Variants in SLC39A11 observed in about 807,000 individuals in gnomAD.
The protein encoded by SLC39A11 is zinc transporter ZIP11.
In SLC39A11, 33 loss-of-function variants were observed where a neutral mutation model predicts 36.1. The ratio of observed to expected loss-of-function variants is 0.91; its 90% CI spans 0.69 to 1.22. SLC39A11 has a LOEUF of 1.22. Among genes scored for constraint, SLC39A11 ranks in the 50% most tolerant of loss-of-function variants. The probability of loss-of-function intolerance (pLI) is 0.00; values close to 1 mark genes in which losing one functional copy is unlikely to be tolerated. For missense variants in SLC39A11, 432 were observed against 430.3 expected (o/e 1.00, Z -0.03); for synonymous variants, 166 against 170.3 (o/e 0.97, Z 0.20).
intron 4 of SLC39A11, among the ~76,000 whole-genome samples, chr17:72,959,608 A>C (rs1598602515): frequency 1.3e-5 from 2 of 151,946 alleles, no homozygotes; most frequent in East Asian, 3.9e-4. Context: ...GACTACAAAC[A>C]GGGTGCTGTA....
At chr17:72,829,598 T>A (rs1398428259) in intron 6 of SLC39A11, among the ~76,000 whole-genome samples, 1 of 152,100 alleles carries the variant, frequency 6.6e-6, no homozygotes, top group African/African-American at 2.4e-5. Context: ...ACATGCCGAA[T>A]TAGGGCAGAC....
At chr17:72,713,705 A>G (rs1311311155) in intron 7 of SLC39A11, among the ~76,000 whole-genome samples, 2 of 152,170 alleles carry the variant, frequency 1.3e-5, no homozygotes, top group African/African-American at 4.8e-5. Flanking sequence ...ATTTTATTAT[A>G]CTTACAAAAT....
intron 7 of SLC39A11, among the ~76,000 whole-genome samples, chr17:72,734,598 G>A (rs186981473): frequency 1.3e-5 from 2 of 152,234 alleles, no homozygotes; most frequent in Non-Finnish European, 2.9e-5. Context: ...GTCCGGGGAA[G>A]GGAGGAGCTG....
chr17:72,993,503 C>T (rs973309366), intron 4 of SLC39A11, among the ~76,000 whole-genome samples: 2 of 152,170 alleles, frequency 1.3e-5, no homozygotes, highest in African/African-American at 4.8e-5. Context: ...TTGCTAACTT[C>T]GCCTGGGAGC....
intron 7 of SLC39A11, among the ~76,000 whole-genome samples, chr17:72,704,580 A>T (rs1325504197): frequency 6.6e-6 from 1 of 152,204 alleles, no homozygotes; most frequent in African/African-American, 2.4e-5. Context: ...GACTCTATGC[A>T]TAAAGTGATG....
At chr17:72,757,244 C>T (rs1189035366) in intron 6 of SLC39A11, among the ~76,000 whole-genome samples, 2 of 151,900 alleles carry the variant, frequency 1.3e-5, no homozygotes, top group African/African-American at 2.4e-5. Flanking sequence ...AGTGGGAGCT[C>T]GCACTAAACT....
chr17:72,882,261 C>G (rs2081230409), intron 5 of SLC39A11, among the ~76,000 whole-genome samples: 3 of 151,436 alleles, frequency 2.0e-5, no homozygotes, highest in African/African-American at 7.3e-5. Flanking sequence ...GACGCTGACG[C>G]AGGAGAATCG....
chr17:72,816,553 C>A (rs1242204018), intron 6 of SLC39A11, among the ~76,000 whole-genome samples: 1 of 152,200 alleles, frequency 6.6e-6, no homozygotes. Flanking sequence ...TCATAGAACA[C>A]GTCCCAGGCT....
chr17:72,677,220 T>C (rs2071305958), intron 7 of SLC39A11, among the ~76,000 whole-genome samples: 1 of 152,090 alleles, frequency 6.6e-6, no homozygotes, highest in African/African-American at 2.4e-5. Context: ...TTCCTGACCC[T>C]AGTGGGGTGG....
intron 6 of SLC39A11, among the ~76,000 whole-genome samples, chr17:72,784,832 G>A (rs2076449714): frequency 6.6e-6 from 1 of 151,112 alleles, no homozygotes; most frequent in Non-Finnish European, 1.5e-5. Flanking sequence ...CAGAACTGTG[G>A]GCCAATTAAA....
At chr17:72,771,518 C>G (rs1042603019) in intron 6 of SLC39A11, among the ~76,000 whole-genome samples, 1 of 152,070 alleles carries the variant, frequency 6.6e-6, no homozygotes, top group East Asian at 1.9e-4. Flanking sequence ...CCAGGCTCAC[C>G]TTGCAGGAGG....
intron 1 of SLC39A11, among the ~76,000 whole-genome samples, chr17:73,089,562 T>G (rs986413949): frequency 6.6e-6 from 1 of 152,154 alleles, no homozygotes; most frequent in African/African-American, 2.4e-5. Context: ...AGCATGCAGC[T>G]TTGGTCCTCT....
chr17:73,073,794 C>G (rs1292481472), intron 3 of SLC39A11: 1 of 152,132 alleles, frequency 6.6e-6, no homozygotes, highest in East Asian at 1.9e-4. Flanking sequence ...AGGTCACCAT[C>G]CCAGGGAGGT....
intron 7 of SLC39A11, among the ~76,000 whole-genome samples, chr17:72,679,729 G>A (rs778512995): frequency 4.6e-4 from 70 of 152,276 alleles, no homozygotes; most frequent in Admixed American, 2.4e-3. Context: ...TAGAGGACAC[G>A]TTAAGGATTT....
intron 5 of SLC39A11, among the ~76,000 whole-genome samples, chr17:72,925,414 G>A (rs974655336): frequency 6.6e-6 from 1 of 152,100 alleles, no homozygotes; most frequent in Admixed American, 6.5e-5. Context: ...TGACCAGGAG[G>A]GAAGACTGTA....
chr17:72,837,382 A>G (rs867941521), intron 6 of SLC39A11, among the ~76,000 whole-genome samples: 464 of 148,332 alleles, frequency 3.1e-3, no homozygotes, highest in African/African-American at 0.01. Flanking sequence ...AAAAAAAAAA[A>G]GCAGGACTCA....
chr17:72,684,413 C>A (rs970607133), intron 7 of SLC39A11, among the ~76,000 whole-genome samples: 1 of 152,228 alleles, frequency 6.6e-6, no homozygotes, highest in Non-Finnish European at 1.5e-5. Context: ...CAAGCCAGGA[C>A]AGAGGACCTT....
intron 9 of SLC39A11, among the ~76,000 whole-genome samples, chr17:72,648,317 G>T (rs4538052): frequency 6.9e-6 from 1 of 145,030 alleles, no homozygotes; most frequent in Admixed American, 6.8e-5. Context: ...GTGACAGAGC[G>T]AGACTCTGCC....
At chr17:72,722,086 A>G (rs1386730842) in intron 7 of SLC39A11, among the ~76,000 whole-genome samples, 1 of 152,086 alleles carries the variant, frequency 6.6e-6, no homozygotes, top group Admixed American at 6.6e-5. Context: ...AAAGAAAAAA[A>G]AAAGGTCAAT....
Sources: allele counts gnomAD v4.1 joint callset (sites outside exome capture counted in the v4.1 genomes callset), GRCh38; gene constraint gnomAD v4.1.1; transcripts MANE v1.5; gene names NCBI Gene and HGNC (gene_info 2026-07-23, HGNC 2026-07-21).